Variants in RASA3 observed in about 807,000 individuals in gnomAD.
The protein encoded by RASA3 is ras GTPase-activating protein 3.
Under a neutral mutation model 110.0 loss-of-function variants are expected in RASA3, and 73 were observed. The ratio of observed to expected loss-of-function variants is 0.66; its 90% confidence interval spans 0.55 to 0.81. The LOEUF is 0.81. RASA3 is among the 30% of genes least tolerant of loss of function. RASA3 has a pLI of 0.00. For missense variants in RASA3, 976 were observed against 1,113.2 expected, an observed-to-expected ratio of 0.88 and a Z score of 1.75; for synonymous variants, 500 against 451.4, an observed-to-expected ratio of 1.11 and a Z score of -1.37.
chr13:114,068,668 C>T (rs952921441), intron 2 of RASA3, among the ~76,000 whole-genome samples: 1 of 152,064 alleles, frequency 6.6e-6, no homozygotes, highest in African/African-American at 2.4e-5. Flanking sequence ...CCTGCCAACC[C>T]AATTTCAGGG....
intron 3 of RASA3, among the ~76,000 whole-genome samples, chr13:114,045,383 G>A (rs544909921): frequency 6.6e-6 from 1 of 152,176 alleles, no homozygotes; most frequent in Non-Finnish European, 1.5e-5. Context: ...TGCTGGCCAG[G>A]CCCGTTCAGA....
chr13:114,106,146 C>T (rs1385889936), intron 1 of RASA3, among the ~76,000 whole-genome samples: 1 of 152,156 alleles, frequency 6.6e-6, no homozygotes, highest in Non-Finnish European at 1.5e-5. Flanking sequence ...CTGTCTTTTC[C>T]GATGAACTTT....
intron 1 of RASA3, among the ~76,000 whole-genome samples, chr13:114,122,984 G>A (rs2080398451): frequency 1.3e-5 from 2 of 152,222 alleles, no homozygotes; most frequent in South Asian, 2.1e-4. Flanking sequence ...CCACAAAAGC[G>A]CCTGGGCTGT....
At chr13:114,032,876 C>A (rs1346475539) in intron 4 of RASA3, among the ~76,000 whole-genome samples, 52 of 85,560 alleles carry the variant, frequency 6.1e-4, no homozygotes, top group Non-Finnish European at 1.1e-3. Flanking sequence ...CACACTGACA[C>A]CACACCCCAC....
At chr13:114,087,180 G>T (rs575489598) in intron 1 of RASA3, among the ~76,000 whole-genome samples, 6 of 107,248 alleles carry the variant, frequency 5.6e-5, no homozygotes, top group South Asian at 3.4e-4. Flanking sequence ...TCCCGGGGAA[G>T]TGCTGAGTCT....
chr13:114,061,514 CAA>C (rs11297076), intron 2 of RASA3, among the ~76,000 whole-genome samples: 17 of 137,406 alleles, frequency 1.2e-4, no homozygotes, highest in African/African-American at 2.3e-4. Flanking sequence ...ACTAAAAATA[CAA>C]AAAAAAAAAA....
At chr13:114,038,369 G>A (rs2054321985) in intron 4 of RASA3, among the ~76,000 whole-genome samples, 1 of 152,270 alleles carries the variant, frequency 6.6e-6, no homozygotes, top group Non-Finnish European at 1.5e-5. Flanking sequence ...TTGTGCTCCG[G>A]GGATGCGAGG....
intron 10 of RASA3, 120 bp downstream of exon 10, chr13:114,018,643 G>C (rs1421640495): frequency 2.4e-6 from 3 of 1,267,438 alleles, no homozygotes; most frequent in Non-Finnish European, 3.2e-6. Flanking sequence ...CAGGCTGGGA[G>C]GCGTGGGAAA....
chr13:114,037,605 A>C (rs911062586), intron 4 of RASA3, among the ~76,000 whole-genome samples: 3 of 152,226 alleles, frequency 2.0e-5, no homozygotes, highest in African/African-American at 7.2e-5. Context: ...ACGGTTATAC[A>C]ATATTATGAA....
intron 1 of RASA3, among the ~76,000 whole-genome samples, chr13:114,120,114 CT>C (rs758917330): frequency 9.5e-4 from 16 of 16,838 alleles, no homozygotes; most frequent in African/African-American, 1.1e-3. Context: ...CAGGGCCCCC[CT>C]CCCCTCTCCA....
chr13:114,025,523 G>A (rs550127248), intron 7 of RASA3, among the ~76,000 whole-genome samples: 2 of 152,288 alleles, frequency 1.3e-5, no homozygotes, highest in South Asian at 2.1e-4. Flanking sequence ...AGGGCAGGTC[G>A]GGAGCTATTG....
chr13:114,007,583 C>G lies in RASA3; in HGVS notation c.1692G>C (p.Ser564=), dbSNP rs146882654. 2,528 of 1,613,340 alleles carry G rather than the reference C, an allele frequency of 1.6e-3. 10 individuals carry two copies. The African/African-American group carries it at 0.018, about 11-fold the overall frequency. The change falls in exon 18 of 24, where the codon TCG becomes TCC. Residue 564 remains serine, a synonymous_variant. Transcript: ENST00000334062. ...VKNFLDLISS[S]GRRDPKSVEQ... is the part of the protein sequence containing the mutation. Reference sequence around the variant, plus strand: ...CAACACTCTTGGGGTCTCTTCTCCCCGAGGACGAAATCAGATCCAAGAACT... The same window carrying G: ...CAACACTCTTGGGGTCTCTTCTCCCGGAGGACGAAATCAGATCCAAGAACT...
chr13:113,989,302 T>C (rs2139069924), intron 22 of RASA3, among the ~76,000 whole-genome samples: 1 of 122,334 alleles, frequency 8.2e-6, no homozygotes, highest in Non-Finnish European at 1.7e-5. Context: ...CACCCATTAC[T>C]CACCCATCTG....
chr13:114,015,312 C>G lies in RASA3; in HGVS notation c.1302G>C (p.Val434=), dbSNP rs770511456. The part of the protein sequence containing the change: ...ENNMENLRQY[V]DRVFHAITES... Reference sequence around the variant, plus strand: ...CAGTGATGGCGTGGAAGACGCGGTCCACATACTGCCGTAGGTTCTCCTGCA... The same window carrying G: ...CAGTGATGGCGTGGAAGACGCGGTCGACATACTGCCGTAGGTTCTCCTGCA... The change falls in exon 14 of 24, where the codon GTG becomes GTC. Residue 434 remains valine, a synonymous_variant. Coordinates refer to ENST00000334062, the MANE Select transcript of RASA3 (RefSeq NM_007368.4). 1.9e-6 allele frequency: 3 copies of G among 1,613,000 alleles called. No individual in the cohort carries two copies. Among genetic ancestry groups the G allele is most frequent in the Non-Finnish European group, 2.5e-6 (3 of 1,179,978 alleles).
chr13:114,057,185 T>C lies in RASA3; in HGVS notation c.174-5030A>G, dbSNP rs1392954913. The C allele has an allele frequency of 1.0e-6, 1 of 981,532 alleles. No individual in the cohort carries two copies. The highest frequency in any genetic ancestry group is 1.7e-5 in the African/African-American group (1 of 57,174). The allele number at this position is 981,532 out of a possible 1,614,324, so 60.8% of individuals were successfully genotyped here. Reference sequence around the variant, plus strand: ...ATTGCCTATTTTAATGTTTTTCTTCTTATTTCATATAACTTTTTAAACTTA... The same window carrying C: ...ATTGCCTATTTTAATGTTTTTCTTCCTATTTCATATAACTTTTTAAACTTA... On this transcript the variant is annotated intron_variant, in intron 2 of 23. Transcript: ENST00000334062. The surrounding 1 kb of genome is among the most constrained non-coding windows in gnomAD (Gnocchi z 5.0).
rs778522182 is a variant in RASA3, at chr13:114,048,821, TCTC to T, written c.277+3228_277+3230del. ...CCGGGACCCGCCGACACTGGACACT[TCTC>T]CTGCTCCTGCTGTGGCGGGAGCTGA... On this transcript the variant is annotated intron_variant, in intron 3 of 23. Coordinates refer to ENST00000334062, the MANE Select transcript of RASA3 (RefSeq NM_007368.4). The surrounding 1 kb of genome is among the most constrained non-coding windows in gnomAD (Gnocchi z 4.3). 3.3e-5 allele frequency among the ~76,000 whole-genome samples: 5 copies of T among 152,006 alleles called. No homozygotes were observed. The highest frequency in any genetic ancestry group is 9.6e-5 in the African/African-American group (4 of 41,504).
chr13:113,980,703 A>AGC (rs1249044131), intron 23 of RASA3, among the ~76,000 whole-genome samples: 1 of 152,262 alleles, frequency 6.6e-6, no homozygotes, highest in Non-Finnish European at 1.5e-5. Flanking sequence ...GTGAAGTCAC[A>AGC]GCACTCAGGA....
chr13:113,978,295 C>T lies in RASA3; in HGVS notation c.*1052G>A, dbSNP rs1226021263. On this transcript the variant is annotated 3_prime_UTR_variant, in exon 24 of 24. Transcript: ENST00000334062. ...GGAGGGACGTCTGCACCCCGAAGCC[C>T]CTGTACCTCAAACTCAGAGTTTCTT... 6.6e-6 allele frequency: 1 copy of T among 152,310 alleles called. No homozygotes were observed. The highest frequency in any genetic ancestry group is 6.5e-5 in the Admixed American group (1 of 15,278). 9.4% of individuals were successfully genotyped at this position (152,310 alleles called of 1,614,324 possible).
chr13:114,080,558 TG>T (rs1477468035), intron 1 of RASA3, among the ~76,000 whole-genome samples: 1 of 150,362 alleles, frequency 6.7e-6, no homozygotes, highest in Non-Finnish European at 1.5e-5. Context: ...GCATATTCAA[TG>T]TAATTGAAAC....
Sources: gnomAD v4.1 joint callset for allele counts (sites outside exome capture counted in the v4.1 genomes callset) on GRCh38, gnomAD v4.1.1 for gene constraint, Gnocchi (gnomAD v3.1) non-coding constraint, MANE v1.5 for transcripts, NCBI Gene and HGNC (gene_info 2026-07-23, HGNC 2026-07-21) for gene names.